Variants in CPS1 observed in about 807,000 individuals in gnomAD.
The protein encoded by CPS1 is carbamoyl-phosphate synthase 1, also known as carbamoyl-phosphate synthase [ammonia], mitochondrial.
Under a neutral mutation model 174.6 loss-of-function variants are expected in CPS1, and 109 were observed. That is an observed-to-expected ratio of 0.62 (90% CI 0.53 to 0.73). The LOEUF (loss-of-function observed/expected upper bound fraction) is 0.73. CPS1 is among the 30% of genes least tolerant of loss of function. CPS1 has a pLI of 0.00. For missense variants in CPS1, 1,689 were observed against 1,821.9 expected (o/e 0.93, Z 1.33); for synonymous variants, 637 against 632.0 (o/e 1.01, Z -0.12).
intron 27 of CPS1, 104 bp from the exon 28 acceptor site, chr2:210,650,259 T>G: frequency 3.2e-6 from 3 of 929,208 alleles, no homozygotes; most frequent in Non-Finnish European, 3.6e-6. Flanking sequence ...ACCTTCTTAT[T>G]CAGCCCCGAC....
At chr2:210,512,787 G>A in intron 1 of CPS1, among the ~76,000 whole-genome samples, 1 of 87,412 alleles carries the variant, frequency 1.1e-5, no homozygotes, top group Non-Finnish European at 2.3e-5. Context: ...TATATATATG[G>A]AGAGAGAGAT....
At chr2:210,658,348 G>T (rs1205633607) in intron 30 of CPS1, 1 of 418,616 alleles carries the variant, frequency 2.4e-6, no homozygotes, top group Non-Finnish European at 4.5e-6. Flanking sequence ...AGGTAGATAG[G>T]GGAATTTGGC....
At chr2:210,516,162 A>G (rs1399714832) in intron 1 of CPS1, among the ~76,000 whole-genome samples, 1 of 150,866 alleles carries the variant, frequency 6.6e-6, no homozygotes, top group African/African-American at 2.4e-5. Context: ...GATGTGAAAG[A>G]TGTACATTCT....
chr2:210,572,169 C>T (rs1379393836), intron 1 of CPS1, among the ~76,000 whole-genome samples: 2 of 151,892 alleles, frequency 1.3e-5, no homozygotes, highest in Non-Finnish European at 2.9e-5. Context: ...TCTCAGATAT[C>T]ATACTATTTT....
At position 210,599,506 on chromosome 2, in the gene CPS1, A is replaced by G; in HGVS notation, c.1494A>G (p.Ala498=). 6.2e-7 allele frequency: 1 copy of G among 1,612,568 alleles called. No homozygotes were observed. The highest frequency in any genetic ancestry group is 8.5e-7 in the Non-Finnish European group (1 of 1,179,056). ...AGTTTGTCACAGAGGTCATCAAGGC[A>G]GAACAGCCAGATGGGTTAATTCTGG... ...TPQFVTEVIK[A]EQPDGLILGM... is the part of the protein sequence containing the mutation. Residue 498 remains alanine (A), a synonymous_variant, in exon 14 of 38, where the codon GCA becomes GCG. Transcript: ENST00000233072.
At chr2:210,483,433 C>T (rs1230644333) in intron 1 of CPS1, among the ~76,000 whole-genome samples, 1 of 152,174 alleles carries the variant, frequency 6.6e-6, no homozygotes, top group Non-Finnish European at 1.5e-5. Flanking sequence ...GAAACAGAGA[C>T]TTACATAGTT....
chr2:210,652,552 A>C (rs1700589550), intron 28 of CPS1, among the ~76,000 whole-genome samples: 1 of 152,172 alleles, frequency 6.6e-6, no homozygotes, highest in Non-Finnish European at 1.5e-5. Flanking sequence ...ATAACTCCTG[A>C]GTTTTCTGCC....
At chr2:210,644,262 T>A (rs1700309977) in intron 25 of CPS1, among the ~76,000 whole-genome samples, 1 of 152,038 alleles carries the variant, frequency 6.6e-6, no homozygotes, top group African/African-American at 2.4e-5. Context: ...AGGAGGTAAT[T>A]TAAAATATGT....
chr2:210,563,338 T>C (rs1275738878), intron 1 of CPS1, among the ~76,000 whole-genome samples: 1 of 152,214 alleles, frequency 6.6e-6, no homozygotes, highest in Non-Finnish European at 1.5e-5. Flanking sequence ...GGAAGGATTC[T>C]TGCTTTATAT....
At chr2:210,562,775 T>C (rs928589216) in intron 1 of CPS1, among the ~76,000 whole-genome samples, 1 of 152,020 alleles carries the variant, frequency 6.6e-6, no homozygotes, top group African/African-American at 2.4e-5. Flanking sequence ...ATAGTTTACG[T>C]AGATAAATGA....
At chr2:210,514,766 G>A (rs981124494) in intron 1 of CPS1, among the ~76,000 whole-genome samples, 43 of 142,564 alleles carry the variant, frequency 3.0e-4, no homozygotes, top group African/African-American at 1.1e-3. Flanking sequence ...TCTTGTTCCA[G>A]TTCTCAATGG....
chr2:210,663,511 G>C (rs757876599), intron 33 of CPS1, among the ~76,000 whole-genome samples: 1 of 151,832 alleles, frequency 6.6e-6, no homozygotes, highest in Non-Finnish European at 1.5e-5. Flanking sequence ...AAAGGTTCTC[G>C]GGTCTCTCTG....
At chr2:210,673,735 GT>G (rs1701402022) in intron 34 of CPS1, 1 of 152,126 alleles carries the variant, frequency 6.6e-6, no homozygotes. Flanking sequence ...AATTATAGTA[GT>G]AACACTTAAG....
rs2106118315 is a variant in CPS1 at position 210,595,567 on chromosome 2, T to C, written c.1344T>C (p.Ala448=). 1 of 1,610,148 alleles carries C rather than the reference T, an allele frequency of 6.2e-7. No homozygotes were observed. The highest frequency in any genetic ancestry group is 2.2e-5 in the East Asian group (1 of 44,704). Residue 448 remains alanine (A), a synonymous_variant, in exon 13 of 38, where the codon GCT becomes GCC. Transcript: ENST00000233072. Reference sequence around the variant, plus strand: ...AATTTGATTACTCAGGATCTCAAGCTGTAAAAGCCATGAAGGTGAGAGAAT... The same window carrying C: ...AATTTGATTACTCAGGATCTCAAGCCGTAAAAGCCATGAAGGTGAGAGAAT... ...AGEFDYSGSQ[A]VKAMKEENVK... is the part of the protein sequence containing the mutation.
chr2:210,662,169 G>T (rs943726118), intron 32 of CPS1, among the ~76,000 whole-genome samples: 8 of 152,054 alleles, frequency 5.3e-5, no homozygotes, highest in African/African-American at 1.9e-4. Context: ...ACCTGCCTCG[G>T]CCTCCCAAAG....
At chr2:210,643,811 A>G (rs927362539) in intron 25 of CPS1, among the ~76,000 whole-genome samples, 2 of 152,186 alleles carry the variant, frequency 1.3e-5, no homozygotes, top group East Asian at 3.9e-4. Context: ...TCTCTCTGAC[A>G]TGGTTGTTTT....
chr2:210,554,254 C>T (rs6745175), upstream of CPS1, among the ~76,000 whole-genome samples: 2,145 of 145,894 alleles, frequency 0.015, 94 homozygotes, highest in African/African-American at 0.052. Flanking sequence ...TATATACACA[C>T]ACATATATAT....
chr2:210,510,064 G>A (rs1260720340), intron 1 of CPS1, among the ~76,000 whole-genome samples: 7 of 152,210 alleles, frequency 4.6e-5, no homozygotes, highest in East Asian at 3.9e-4. Flanking sequence ...AGCCCGCATC[G>A]CCAAGTCAAT....
intron 11 of CPS1, chr2:210,593,385 A>G: frequency 2.8e-6 from 3 of 1,075,946 alleles, no homozygotes; most frequent in Non-Finnish European, 3.4e-6. Flanking sequence ...CAGCAGCAGG[A>G]GAAGGAGGGG....
Sources: allele counts gnomAD v4.1 joint callset (sites outside exome capture counted in the v4.1 genomes callset), GRCh38; gene constraint gnomAD v4.1.1; transcripts MANE v1.5; gene names NCBI Gene and HGNC (gene_info 2026-07-23, HGNC 2026-07-21).